AOPEP: variants seen among roughly 807,000 people sequenced by gnomAD.
AOPEP encodes aminopeptidase O (putative).
A neutral mutation model predicts 98.1 loss-of-function variants in AOPEP; 77 were observed. The observed-to-expected ratio is 0.78, with a 90% CI of 0.65 to 0.95. The LOEUF (loss-of-function observed/expected upper bound fraction) is 0.95. AOPEP is among the 40% of genes least tolerant of loss of function. The probability of loss-of-function intolerance (pLI) is 0.00; values close to 1 mark genes in which losing one functional copy is unlikely to be tolerated. For missense variants in AOPEP, 1,024 were observed against 1,024.7 expected, an observed-to-expected ratio of 1.00 and a Z score of 0.01; for synonymous variants, 346 against 365.3, an observed-to-expected ratio of 0.95 and a Z score of 0.60.
intron 14 of AOPEP, among the ~76,000 whole-genome samples, chr9:95,074,737 C>A (rs1012241971): frequency 1.3e-5 from 2 of 152,214 alleles, no homozygotes; most frequent in African/African-American, 2.4e-5. Flanking sequence ...CTTCTTCTTG[C>A]GAGAGCTGTG....
intron 5 of AOPEP, among the ~76,000 whole-genome samples, chr9:94,914,997 C>T (rs1048013096): frequency 1.9e-4 from 29 of 152,194 alleles, no homozygotes; most frequent in African/African-American, 6.5e-4. Flanking sequence ...TCTTATCTAG[C>T]GGACCTACCT....
intron 5 of AOPEP, among the ~76,000 whole-genome samples, chr9:94,912,488 T>C (rs546005476): frequency 6.6e-6 from 1 of 152,266 alleles, no homozygotes; most frequent in Non-Finnish European, 1.5e-5. Context: ...CCTAAAGTAT[T>C]TGCGTTCTAA....
chr9:94,931,678 C>A lies in AOPEP; in HGVS notation c.1661+3147C>A, dbSNP rs1007396681. On this transcript the variant is annotated intron_variant, in intron 7 of 16. Coordinates refer to ENST00000375315, the MANE Select transcript of AOPEP (RefSeq NM_001193329.3). ...GCCCCATGGTCTTGAAATGATGGGC[C>A]ATAACAACGTAAAAATCTCGCTTTA... 3.9e-6 allele frequency: 5 copies of A among 1,295,950 alleles called. No individual in the cohort carries two copies. The African/African-American group carries it at 7.3e-5, about 19-fold the overall frequency. 80.3% of individuals were successfully genotyped at this position (1,295,950 alleles called of 1,614,324 possible).
chr9:94,888,048 A>G (rs2048433266), intron 5 of AOPEP, among the ~76,000 whole-genome samples: 1 of 152,202 alleles, frequency 6.6e-6, no homozygotes, highest in South Asian at 2.1e-4. Context: ...TTTATCCAAT[A>G]TTACATCTTA....
At chr9:95,128,265 A>C in the AOPEP span, among the ~76,000 whole-genome samples, 1 of 152,244 alleles carries the variant, frequency 6.6e-6, no homozygotes, top group Non-Finnish European at 1.5e-5. Context: ...TCTTGAAGAA[A>C]TGTGATTCAT....
chr9:94,930,756 A>G lies in AOPEP; in HGVS notation c.1661+2225A>G, dbSNP rs2055159551. 6.6e-6 allele frequency among the ~76,000 whole-genome samples: 1 copy of G among 152,162 alleles called. No homozygotes were observed. The highest frequency in any genetic ancestry group is 6.5e-5 in the Admixed American group (1 of 15,284). On this transcript the variant is annotated intron_variant, in intron 7 of 16. Coordinates refer to ENST00000375315, the MANE Select transcript of AOPEP (RefSeq NM_001193329.3). The surrounding 1 kb of genome is among the most constrained non-coding windows in gnomAD (Gnocchi z 4.5). ...AGTGGGACTACATGGGTGATGGAGA[A>G]GGAAGTCAGGCTGAAGTGGACAGGA... is the stretch of plus-strand genomic sequence containing the variant.
intron 5 of AOPEP, among the ~76,000 whole-genome samples, chr9:94,801,319 G>A (rs558709359): frequency 1.3e-5 from 2 of 152,354 alleles, no homozygotes; most frequent in East Asian, 3.9e-4. Context: ...CTGTTAGCTT[G>A]GATGATGACA....
At position 95,086,886 on chromosome 9, in the gene AOPEP, C is replaced by T. The variant is rs2070758826; in HGVS notation, c.*209C>T. 2 of 987,096 alleles carry T rather than the reference C, an allele frequency of 2.0e-6. No homozygotes were observed. Among genetic ancestry groups the T allele is most frequent in the South Asian group, 4.7e-5 (1 of 21,364 alleles). The allele number at this position is 987,096 out of a possible 1,614,324, so 61.1% of individuals were successfully genotyped here. On this transcript the variant is annotated 3_prime_UTR_variant, in exon 17 of 17. Coordinates refer to ENST00000375315, the MANE Select transcript of AOPEP (RefSeq NM_001193329.3). ...GCAGATTCTCGTAAACGCAGCCTCC[C>T]TCCCTGGAGGCTGCCTCCTGCCCTG...
chr9:95,123,725 T>G, the AOPEP span: 1 of 691,368 alleles, frequency 1.4e-6, no homozygotes, highest in South Asian at 1.4e-5. Flanking sequence ...CAAGCTGTAT[T>G]TGAAGCTACA....
At chr9:94,969,737 C>T (rs1360138410) in intron 10 of AOPEP, among the ~76,000 whole-genome samples, 3 of 152,174 alleles carry the variant, frequency 2.0e-5, no homozygotes, top group Non-Finnish European at 4.4e-5. Context: ...AATTGGTATT[C>T]AAACATTAAA....
intron 14 of AOPEP, among the ~76,000 whole-genome samples, chr9:95,074,889 G>A (rs2068883304): frequency 6.6e-6 from 1 of 152,272 alleles, no homozygotes; most frequent in Admixed American, 6.5e-5. Context: ...GCAGAGGGAA[G>A]AGATGAGCAC....
At chr9:94,858,741 T>G (rs1235977855) in intron 5 of AOPEP, among the ~76,000 whole-genome samples, 1 of 152,132 alleles carries the variant, frequency 6.6e-6, no homozygotes, top group African/African-American at 2.4e-5. Context: ...TCATTAATGC[T>G]ATAAGTGCTT....
intron 5 of AOPEP, among the ~76,000 whole-genome samples, chr9:94,823,352 A>C (rs1446856580): frequency 1.3e-5 from 2 of 152,340 alleles, no homozygotes; most frequent in East Asian, 1.9e-4. Flanking sequence ...TTTAAAGGTC[A>C]GTATACCTCT....
chr9:95,136,780 C>T, the AOPEP span, among the ~76,000 whole-genome samples: 4 of 152,190 alleles, frequency 2.6e-5, no homozygotes, highest in African/African-American at 9.7e-5. Context: ...CCCACTACTC[C>T]CCAGACACAA....
intron 7 of AOPEP, chr9:94,932,482 TTTC>T (rs1347250443): frequency 5.8e-6 from 1 of 173,442 alleles, no homozygotes; most frequent in Non-Finnish European, 1.1e-5. Context: ...TCTTTCTTTC[TTTC>T]TTTTTTTTTT....
At chr9:95,129,692 T>C in the AOPEP span, among the ~76,000 whole-genome samples, 2 of 152,350 alleles carry the variant, frequency 1.3e-5, no homozygotes, top group African/African-American at 4.8e-5. Flanking sequence ...GGCCTAACAA[T>C]TTCCACAGGC....
intron 1 of AOPEP, among the ~76,000 whole-genome samples, chr9:94,752,346 GTC>G (rs917094304): frequency 6.2e-5 from 9 of 145,384 alleles, no homozygotes; most frequent in African/African-American, 7.9e-5. Context: ...AGACACACAA[GTC>G]TCTCTCTCTC....
intron 5 of AOPEP, among the ~76,000 whole-genome samples, chr9:94,817,206 C>T (rs1056920151): frequency 2.0e-5 from 3 of 152,012 alleles, no homozygotes; most frequent in African/African-American, 4.8e-5. Context: ...GGTTTCGCCA[C>T]GTTGTCCAGG....
rs117430431 is a variant in AOPEP at position 95,082,100 on chromosome 9, G to A, written c.2320-475G>A. The stretch of plus-strand genomic sequence containing the variant: ...GGGCATCGTGATGTGTCTCTGCCGC[G>A]GCTGCTGCCTGCTGTGCTCTTTGCT... On this transcript the variant is annotated intron_variant, in intron 15 of 16. Coordinates refer to ENST00000375315, the MANE Select transcript of AOPEP (RefSeq NM_001193329.3). Among the ~76,000 whole-genome samples, 485 of 152,200 alleles carry A rather than the reference G, an allele frequency of 3.2e-3. 13 individuals carry two copies. The South Asian group carries it at 0.046, about 14-fold the overall frequency.
Sources: gnomAD v4.1 joint callset for allele counts (sites outside exome capture counted in the v4.1 genomes callset) on GRCh38, gnomAD v4.1.1 for gene constraint, Gnocchi (gnomAD v3.1) non-coding constraint, MANE v1.5 for transcripts, NCBI Gene and HGNC (gene_info 2026-07-23, HGNC 2026-07-21) for gene names.